The following AGAP2 variants were observed in gnomAD, a reference collection of about 807,000 sequenced individuals.
AGAP2 encodes the protein arf-GAP with GTPase, ANK repeat and PH domain-containing protein 2.
In AGAP2, 32 loss-of-function variants were observed where a neutral mutation model predicts 110.9. The observed-to-expected ratio is 0.29, with a 90% CI of 0.22 to 0.39. The LOEUF is 0.39. Among genes scored for constraint, AGAP2 ranks in the 10% least tolerant of loss-of-function variants. AGAP2 has a pLI of 1.00. For synonymous variants in AGAP2, 702 were observed against 713.0 expected (o/e 0.98, Z 0.25); for missense variants, 1,285 against 1,638.5 (o/e 0.78, Z 3.72).
downstream of AGAP2, chr12:57,724,554 A>C (rs368821325): frequency 6.6e-6 from 1 of 152,154 alleles, no homozygotes; most frequent in African/African-American, 2.4e-5. Context: ...GCTGACACTG[A>C]GTTTGTGGAC....
At chr12:57,735,554 G>T in intron 1 of AGAP2, 127 bp from the exon 2 acceptor site, 2 of 844,606 alleles carry the variant, frequency 2.4e-6, no homozygotes, top group South Asian at 3.2e-5. Flanking sequence ...GGAGAGGTGT[G>T]TGCAACAGAC....
At chr12:57,724,385 C>T (rs992949462), downstream of AGAP2, 2 of 152,440 alleles carry the variant, frequency 1.3e-5, no homozygotes, top group Non-Finnish European at 2.9e-5. Context: ...TCCAGCCCCT[C>T]TACCTGAGTA....
Position 57,730,933 on chromosome 12 carries a change from G to T in AGAP2, c.2166C>A (p.His722Gln). The change falls in exon 11 of 19, where the codon CAC becomes CAA. Residue 722 changes from histidine (H) to glutamine (Q), a missense_variant. Physicochemically the swap from His to Gln is conservative, Grantham distance 24. Coordinates refer to ENST00000547588, the MANE Select transcript of AGAP2 (RefSeq NM_001122772.3). ...PSINDYIHST[H>Q]GKEMDLLRTT... ...TTCGCAGCAAGTCCATCTCCTTGCC[G>T]TGGGTACTGTGGATGTAATCCTGGA... 6.4e-7 allele frequency: 1 copy of T among 1,560,080 alleles called. No homozygotes were observed. Among genetic ancestry groups the T allele is most frequent in the Non-Finnish European group, 8.7e-7 (1 of 1,154,196 alleles).
rs1955037837 is a variant in AGAP2 at position 57,738,702 on chromosome 12, T to G, written c.-456A>C. On this transcript the variant is annotated 5_prime_UTR_variant, in exon 1 of 19. Coordinates refer to ENST00000547588, the MANE Select transcript of AGAP2 (RefSeq NM_001122772.3). The surrounding 1 kb of genome is among the most constrained non-coding windows in gnomAD (Gnocchi z 6.7). Reference sequence around the variant, plus strand: ...GGACTCAAGGGACAGGGGCCGCGGATGCGGTCGGAAAGAGGGTCTAGAGGA... The same window carrying G: ...GGACTCAAGGGACAGGGGCCGCGGAGGCGGTCGGAAAGAGGGTCTAGAGGA... Among the ~76,000 whole-genome samples, 1 of 140,272 alleles carries G rather than the reference T, an allele frequency of 7.1e-6. No homozygotes were observed. Among genetic ancestry groups the G allele is most frequent in the Non-Finnish European group, 1.6e-5 (1 of 64,506 alleles). 92.0% of individuals were successfully genotyped at this position (140,272 alleles called of 152,430 possible).
chr12:57,730,817 C>T lies in AGAP2; in HGVS notation c.2282G>A (p.Ser761Asn). 1.9e-6 allele frequency: 3 copies of T among 1,614,034 alleles called. No homozygotes were observed. Among genetic ancestry groups the T allele is most frequent in the Non-Finnish European group, 8.5e-7 (1 of 1,180,038 alleles). The change falls in exon 11 of 19, where the codon AGC becomes AAC. Residue 761 changes from serine to asparagine, a missense_variant. Around this residue, in one of 7 missense-constraint regions of AGAP2, gnomAD observed 135 missense variants for 182.0 expected, o/e 0.74. Coordinates refer to ENST00000547588, the MANE Select transcript of AGAP2 (RefSeq NM_001122772.3). ...CAGGCCTTCACCCATCTGGACAGTG[C>T]TCATGTCCTTGACGAGCCCGTTAAT... The part of the protein sequence containing the change: ...ASINGLVKDM[S>N]TVQMGEGLEA...
upstream of AGAP2, among the ~76,000 whole-genome samples, chr12:57,740,474 C>T (rs979000622): frequency 3.3e-5 from 5 of 152,132 alleles, no homozygotes; most frequent in African/African-American, 4.8e-5. Context: ...GAACAGAATA[C>T]TAATTCTTAG....
At position 57,726,728 on chromosome 12, in the gene AGAP2, C is replaced by T. The variant is rs1954770944; in HGVS notation, c.3403G>A (p.Gly1135Arg). The change falls in exon 19 of 19, where the codon GGA becomes AGA. Residue 1135 changes from glycine (G) to arginine (R), a missense_variant. Gly to Arg is a moderately radical substitution (Grantham distance 125). Transcript: ENST00000547588. This position sits in a 1 kb window ranked among gnomAD's most constrained non-coding sequence, Gnocchi z 5.7. Reference sequence around the variant, plus strand: ...AGGATGTCGGCGCACAGCTGGCTTCCAGCCTGGCGGGCGTAGAACAGCGCC... The same window carrying T: ...AGGATGTCGGCGCACAGCTGGCTTCTAGCCTGGCGGGCGTAGAACAGCGCC... ...RTALFYARQA[G>R]SQLCADILLQ... is the part of the protein sequence containing the mutation. 1.6e-6 allele frequency: 2 copies of T among 1,270,092 alleles called. No homozygotes were observed. Among genetic ancestry groups the T allele is most frequent in the South Asian group, 5.1e-5 (2 of 39,476 alleles). 78.7% of individuals were successfully genotyped at this position (1,270,092 alleles called of 1,614,324 possible).
chr12:57,741,495 A>G (rs185778393), upstream of AGAP2, among the ~76,000 whole-genome samples: 3 of 152,174 alleles, frequency 2.0e-5, no homozygotes, highest in East Asian at 5.8e-4. Context: ...TTCTCTCTAC[A>G]GCTGGAGAAC....
Position 57,737,445 on chromosome 12 carries a change from G to A in AGAP2, c.802C>T (p.Pro268Ser). The A allele has an allele frequency of 6.2e-7, 1 of 1,613,516 alleles. No homozygotes were observed. Among genetic ancestry groups the A allele is most frequent in the Non-Finnish European group, 8.5e-7 (1 of 1,179,776 alleles). The change falls in exon 1 of 19, where the codon CCT (proline) becomes TCT (serine). Residue 268 changes from proline to serine, a missense_variant. Pro to Ser is a moderately conservative substitution (Grantham distance 74, BLOSUM62 -1). Around this residue, in one of 7 missense-constraint regions of AGAP2, gnomAD observed 844 missense variants for 941.2 expected, o/e 0.90. Coordinates refer to ENST00000547588, the MANE Select transcript of AGAP2 (RefSeq NM_001122772.3). This position sits in a 1 kb window ranked among gnomAD's most constrained non-coding sequence, Gnocchi z 5.9. ...AAGGTCTTACTCTTGCCTTTCCGAG[G>A]GGACAACTTCCCTCGGGCTCCAGCC... ...AGAGARGKLS[P>S]RKGKSKTLDN...
chr12:57,728,224 C>T, intron 14 of AGAP2, 94 bp downstream of exon 14: 1 of 1,521,716 alleles, frequency 6.6e-7, no homozygotes, highest in African/African-American at 1.4e-5. Flanking sequence ...GGGTGGGGGG[C>T]AGCAGGAAGC....
In AGAP2 at chr12:57,726,859, C is replaced by T; in HGVS notation, c.3337-65G>A. ...GGCGCCCACACCCGGCGCCGCCTCC[C>T]CCACATGGCCAAGCCTACTTCCGGG... On this transcript the variant is annotated intron_variant, in intron 18 of 18. Transcript: ENST00000547588. This position sits in a 1 kb window ranked among gnomAD's most constrained non-coding sequence, Gnocchi z 5.7. The T allele has an allele frequency of 6.9e-7, 1 of 1,441,510 alleles. No homozygotes were observed. Among genetic ancestry groups the T allele is most frequent in the Non-Finnish European group, 9.1e-7 (1 of 1,102,806 alleles). 89.3% of individuals were successfully genotyped at this position (1,441,510 alleles called of 1,614,324 possible).
chr12:57,737,401 A>C lies in AGAP2; in HGVS notation c.846T>G (p.His282Gln), dbSNP rs1202026870. ...GAGGAGAGCCGGCAGGCGGTCCCGG[A>C]TGCAAGTCACTGTTGTCCAAGGTCT... ...KSKTLDNSDL[H>Q]PGPPAGSPPP... Residue 282 changes from histidine to glutamine, a missense_variant, in exon 1 of 19, where the codon CAT becomes CAG. Around this residue, in one of 7 missense-constraint regions of AGAP2, gnomAD observed 844 missense variants for 941.2 expected, o/e 0.90. Coordinates refer to ENST00000547588, the MANE Select transcript of AGAP2 (RefSeq NM_001122772.3). The surrounding 1 kb of genome is among the most constrained non-coding windows in gnomAD (Gnocchi z 5.9). The C allele has an allele frequency of 6.2e-7, 1 of 1,613,662 alleles. No homozygotes were observed. The highest frequency in any genetic ancestry group is 8.5e-7 in the Non-Finnish European group (1 of 1,179,816).
chr12:57,734,212 G>A (rs1409272103), intron 4 of AGAP2, 39 bp from the exon 5 acceptor site: 3 of 1,607,722 alleles, frequency 1.9e-6, no homozygotes, highest in African/African-American at 1.3e-5. Flanking sequence ...AGTCAGACAG[G>A]TCTACTCCTC....
rs1184799833 is a variant in AGAP2 at position 57,727,032 on chromosome 12, G to A, written c.3278C>T (p.Ser1093Phe). The change falls in exon 18 of 19, where the codon TCC (serine) becomes TTC (phenylalanine). Residue 1093 changes from serine (S) to phenylalanine (F), a missense_variant. Physicochemically the swap from Ser to Phe is radical, Grantham distance 155. Around this residue, in one of 7 missense-constraint regions of AGAP2, gnomAD observed 201 missense variants for 276.1 expected, o/e 0.73. Coordinates refer to ENST00000547588, the MANE Select transcript of AGAP2 (RefSeq NM_001122772.3). The stretch of plus-strand genomic sequence containing the variant: ...GAGCTCGGCCGCCAGGTGGAGTGGG[G>A]AGCGCAGCTGTGGGTCCTCTACGCT... ...DTSVEDPQLR[S>F]PLHLAAELAH... 1.9e-6 allele frequency: 3 copies of A among 1,609,344 alleles called. No individual in the cohort carries two copies. Among genetic ancestry groups the A allele is most frequent in the African/African-American group, 1.3e-5 (1 of 74,990 alleles).
upstream of AGAP2, chr12:57,741,962 T>C (rs542249544): frequency 1.9e-6 from 3 of 1,614,154 alleles, no homozygotes; most frequent in African/African-American, 4.0e-5. Context: ...TTCGGGGTCG[T>C]CCACCCTCTC....
intron 17 of AGAP2, 42 bp from the exon 18 acceptor site, chr12:57,727,271 C>CA: frequency 6.2e-7 from 1 of 1,612,206 alleles, no homozygotes; most frequent in Non-Finnish European, 8.5e-7. Context: ...TAGGGACCCC[C>CA]AGCCAGGACT....
intron 15 of AGAP2, 62 bp from the exon 16 acceptor site, chr12:57,727,833 CCTCTGCTCTCCTCT>C: frequency 6.3e-7 from 1 of 1,587,208 alleles, no homozygotes; most frequent in Non-Finnish European, 8.6e-7. Flanking sequence ...TTCTCAGACA[CCTCTGCTCTCCTCT>C]CACACGACTT....
chr12:57,736,260 G>A (rs1231349388), intron 1 of AGAP2, among the ~76,000 whole-genome samples: 1 of 152,168 alleles, frequency 6.6e-6, no homozygotes, highest in South Asian at 2.1e-4. Flanking sequence ...GGGAGTGTGA[G>A]CCGAACCAAG....
upstream of AGAP2, among the ~76,000 whole-genome samples, chr12:57,739,187 T>C (rs948843589): frequency 6.6e-6 from 1 of 151,546 alleles, no homozygotes; most frequent in Non-Finnish European, 1.5e-5. Flanking sequence ...CATTTAGGGA[T>C]AAGGGTGAAA....
Sources: gnomAD v4.1 joint callset for allele counts (sites outside exome capture counted in the v4.1 genomes callset) on GRCh38, gnomAD v4.1.1 for gene constraint, gnomAD v4.1.1 regional missense constraint, Gnocchi (gnomAD v3.1) non-coding constraint, MANE v1.5 for transcripts, NCBI Gene and HGNC (gene_info 2026-07-23, HGNC 2026-07-21) for gene names.